The following SGCZ variants were observed in gnomAD, a reference collection of about 807,000 sequenced individuals.
The protein encoded by SGCZ is sarcoglycan zeta.
A neutral mutation model predicts 41.3 loss-of-function variants in SGCZ; 40 were observed. The ratio of observed to expected loss-of-function variants is 0.97; its 90% CI spans 0.75 to 1.26. The LOEUF (loss-of-function observed/expected upper bound fraction) is 1.26. Among genes scored for constraint, SGCZ ranks in the 50% most tolerant of loss-of-function variants. The pLI, the probability that SGCZ is intolerant of heterozygous loss-of-function variation, is 0.00. For missense variants in SGCZ, 552 were observed against 369.8 expected, an observed-to-expected ratio of 1.49 and a Z score of -4.04; for synonymous variants, 206 against 137.5, an observed-to-expected ratio of 1.50 and a Z score of -3.49.
chr8:14,568,982 T>A (rs989866798), intron 1 of SGCZ, among the ~76,000 whole-genome samples: 5 of 152,198 alleles, frequency 3.3e-5, no homozygotes, highest in Admixed American at 3.3e-4. Flanking sequence ...TTTTTTTATT[T>A]GGAAATTGGA....
intron 3 of SGCZ, among the ~76,000 whole-genome samples, chr8:14,250,918 G>C (rs1392103998): frequency 6.6e-6 from 1 of 152,046 alleles, no homozygotes; most frequent in East Asian, 1.9e-4. Context: ...TATTAAGCTA[G>C]AGATGTGTAT....
intron 2 of SGCZ, among the ~76,000 whole-genome samples, chr8:14,517,663 T>C (rs1258410741): frequency 6.6e-6 from 1 of 152,038 alleles, no homozygotes; most frequent in African/African-American, 2.4e-5. Context: ...TGGTAAATTT[T>C]TGAAAAGCTT....
chr8:14,342,473 G>A (rs1273046955), intron 2 of SGCZ, among the ~76,000 whole-genome samples: 5 of 151,948 alleles, frequency 3.3e-5, no homozygotes, highest in Non-Finnish European at 7.4e-5. Context: ...CCGCCATCAC[G>A]CCCGGCTAAT....
chr8:15,196,807 C>T (rs1389815307), intron 1 of SGCZ, among the ~76,000 whole-genome samples: 2 of 152,144 alleles, frequency 1.3e-5, no homozygotes, highest in Admixed American at 6.5e-5. Flanking sequence ...GCAGGGTTTC[C>T]TCTTCTGGTG....
rs75446498 is a variant in SGCZ at position 14,686,615 on chromosome 8, T to C, written c.40-131689A>G. On this transcript the variant is annotated intron_variant, in intron 1 of 7. Coordinates refer to ENST00000382080, the MANE Select transcript of SGCZ (RefSeq NM_139167.4). Reference sequence around the variant, plus strand: ...CAGCTTCTGGAGATCATGGCTATTATTAAGTAGAAGCAGGGGTACTGGGGT... The same window carrying C: ...CAGCTTCTGGAGATCATGGCTATTACTAAGTAGAAGCAGGGGTACTGGGGT... Among the ~76,000 whole-genome samples, 442 of 152,148 alleles carry C rather than the reference T, an allele frequency of 2.9e-3. 2 individuals carry two copies. Among genetic ancestry groups the C allele is most frequent in the African/African-American group, 9.9e-3 (410 of 41,528 alleles).
chr8:14,113,599 C>G (rs1441200257), intron 5 of SGCZ, among the ~76,000 whole-genome samples: 2 of 151,968 alleles, frequency 1.3e-5, no homozygotes, highest in Non-Finnish European at 2.9e-5. Context: ...TCCACACAAC[C>G]AGGTGAACCC....
intron 4 of SGCZ, among the ~76,000 whole-genome samples, chr8:14,222,103 G>C (rs191563059): frequency 6.6e-6 from 1 of 152,262 alleles, no homozygotes; most frequent in Admixed American, 6.5e-5. Flanking sequence ...TCTCCAATGA[G>C]ATGGTACTTT....
intron 1 of SGCZ, among the ~76,000 whole-genome samples, chr8:15,170,787 G>A (rs1308160330): frequency 6.6e-6 from 1 of 151,958 alleles, no homozygotes; most frequent in Non-Finnish European, 1.5e-5. Context: ...CTCCCTATAG[G>A]AATAAAAAAC....
At chr8:15,114,756 G>GT (rs1182595043) in intron 1 of SGCZ, among the ~76,000 whole-genome samples, 7,767 of 138,658 alleles carry the variant, frequency 0.056, 251 homozygotes, top group Middle Eastern at 0.089. Context: ...TTTTCTTTTT[G>GT]TTTTTTTTTT....
chr8:14,461,368 T>C (rs138985104), intron 2 of SGCZ, among the ~76,000 whole-genome samples: 44 of 152,216 alleles, frequency 2.9e-4, no homozygotes, highest in Middle Eastern at 3.4e-3. Flanking sequence ...CCAACCAACA[T>C]TGCAATATCC....
chr8:14,968,932 T>G (rs1185099874), intron 1 of SGCZ, among the ~76,000 whole-genome samples: 7 of 152,136 alleles, frequency 4.6e-5, no homozygotes, highest in African/African-American at 1.7e-4. Flanking sequence ...TATTTTCCTG[T>G]GCAAACAAAA....
rs559998767 is a variant in SGCZ at position 14,502,670 on chromosome 8, A to G, written c.234+52062T>C. Reference sequence around the variant, plus strand: ...ATAGAAAGACACTTCTCAAAAGAAGACATTTATGCGGCCAATAAACATGAA... The same window carrying G: ...ATAGAAAGACACTTCTCAAAAGAAGGCATTTATGCGGCCAATAAACATGAA... On this transcript the variant is annotated intron_variant, in intron 2 of 7. Coordinates refer to ENST00000382080, the MANE Select transcript of SGCZ (RefSeq NM_139167.4). 1.3e-5 allele frequency among the ~76,000 whole-genome samples: 2 copies of G among 152,346 alleles called. 1 individual carries two copies. The highest frequency in any genetic ancestry group is 4.1e-4 in the South Asian group (2 of 4,832).
chr8:14,809,527 A>G (rs1157573328), intron 1 of SGCZ, among the ~76,000 whole-genome samples: 2 of 152,152 alleles, frequency 1.3e-5, no homozygotes, highest in Non-Finnish European at 2.9e-5. Context: ...CCAATTCTCC[A>G]TTTTATTTCC....
intron 1 of SGCZ, among the ~76,000 whole-genome samples, chr8:15,039,587 C>A (rs1422336768): frequency 6.6e-6 from 1 of 152,178 alleles, no homozygotes; most frequent in African/African-American, 2.4e-5. Context: ...GTACTACAGT[C>A]AGTCAATATT....
chr8:14,483,879 A>G (rs1335081913), intron 2 of SGCZ, among the ~76,000 whole-genome samples: 2 of 152,222 alleles, frequency 1.3e-5, no homozygotes, highest in East Asian at 3.9e-4. Flanking sequence ...ATCTTTTAAT[A>G]AAATCAAGTT....
At chr8:14,703,446 C>CTA (rs1223894432) in intron 1 of SGCZ, among the ~76,000 whole-genome samples, 2 of 151,902 alleles carry the variant, frequency 1.3e-5, no homozygotes, top group Non-Finnish European at 2.9e-5. Context: ...AGAGATTTCC[C>CTA]TATCTAGAGA....
chr8:14,734,046 A>G (rs1019553258), intron 1 of SGCZ, among the ~76,000 whole-genome samples: 1 of 152,188 alleles, frequency 6.6e-6, no homozygotes, highest in African/African-American at 2.4e-5. Flanking sequence ...TTTAGCACTT[A>G]TGTACCTTGA....
intron 2 of SGCZ, among the ~76,000 whole-genome samples, chr8:14,385,898 G>T (rs1467550232): frequency 6.6e-6 from 1 of 151,940 alleles, no homozygotes; most frequent in African/African-American, 2.4e-5. Context: ...TATGTAAAAT[G>T]GCATAGTATT....
At chr8:14,592,458 A>G (rs1805270173) in intron 1 of SGCZ, among the ~76,000 whole-genome samples, 1 of 152,082 alleles carries the variant, frequency 6.6e-6, no homozygotes, top group South Asian at 2.1e-4. Flanking sequence ...TGGCATTCTA[A>G]TGTAATTCTT....
Sources: gnomAD v4.1 joint callset for allele counts (sites outside exome capture counted in the v4.1 genomes callset) on GRCh38, gnomAD v4.1.1 for gene constraint, MANE v1.5 for transcripts, NCBI Gene and HGNC (gene_info 2026-07-23, HGNC 2026-07-21) for gene names.